Variants in TMEM272 observed in about 807,000 individuals in gnomAD.
TMEM272 encodes the protein long intergenic non-protein coding RNA 282.
TMEM272 carries 8 observed loss-of-function variants against 3.7 expected under a neutral mutation model. The observed-to-expected ratio is 2.17, with a 90% CI of 1.27 to 3.91. TMEM272 has a LOEUF of 3.91. Ranked by LOEUF, TMEM272 falls within the 30% of genes most tolerant of loss-of-function variation. The pLI is 0.00. For missense variants in TMEM272, 166 were observed against 91.5 expected, an observed-to-expected ratio of 1.81 and a Z score of -3.32; for synonymous variants, 63 against 39.8, an observed-to-expected ratio of 1.58 and a Z score of -2.20.
chr13:51,865,656 T>C, the TMEM272 span: 23 of 1,614,034 alleles, frequency 1.4e-5, no homozygotes, highest in South Asian at 1.4e-4. Flanking sequence ...GAGAGACCTT[T>C]CTGGGAAGAG....
the TMEM272 span, among the ~76,000 whole-genome samples, chr13:51,904,071 C>CA: frequency 1.4e-4 from 21 of 152,104 alleles, no homozygotes; most frequent in East Asian, 4.1e-3. Context: ...TAACACACAG[C>CA]ACCTGTGGCC....
At chr13:51,874,808 T>C in the TMEM272 span, among the ~76,000 whole-genome samples, 1 of 152,210 alleles carries the variant, frequency 6.6e-6, no homozygotes, top group Non-Finnish European at 1.5e-5. Context: ...CCAGAAGCGC[T>C]GGTTTTGCTC....
At chr13:51,858,904 G>A in the TMEM272 span, among the ~76,000 whole-genome samples, 5 of 152,212 alleles carry the variant, frequency 3.3e-5, no homozygotes, top group East Asian at 1.9e-4. Flanking sequence ...GTGGCAGGTC[G>A]GAGGTTCTCC....
the TMEM272 span, among the ~76,000 whole-genome samples, chr13:51,851,410 C>CAAG: frequency 1.9e-4 from 27 of 139,926 alleles, no homozygotes; most frequent in East Asian, 6.3e-4. Context: ...AGAAGAAGAA[C>CAAG]AAGAAGAAGA....
At chr13:51,880,452 T>C in the TMEM272 span, among the ~76,000 whole-genome samples, 3 of 150,648 alleles carry the variant, frequency 2.0e-5, no homozygotes, top group African/African-American at 4.9e-5. Flanking sequence ...AAAAACCTGA[T>C]TGGGAAAACC....
chr13:51,890,031 G>A, the TMEM272 span, among the ~76,000 whole-genome samples: 112 of 152,254 alleles, frequency 7.4e-4, no homozygotes, highest in Non-Finnish European at 1.4e-3. Context: ...TCCATGGGGC[G>A]CAGTCCAAGT....
the TMEM272 span, among the ~76,000 whole-genome samples, chr13:51,904,817 T>C: frequency 2.1e-4 from 32 of 152,224 alleles, no homozygotes; most frequent in Non-Finnish European, 4.1e-4. Flanking sequence ...CTCCAAGCAT[T>C]TCAATTAAGA....
At chr13:51,838,587 G>A (rs1016442582) in intron 1 of TMEM272, 34 bp from the exon 2 acceptor site, 2 of 702,926 alleles carry the variant, frequency 2.8e-6, no homozygotes, top group Non-Finnish European at 5.2e-6. Flanking sequence ...AGAAAGGATG[G>A]TGGAAGGATT....
At chr13:51,838,104 G>C (rs1283701978) in intron 2 of TMEM272, among the ~76,000 whole-genome samples, 1 of 152,184 alleles carries the variant, frequency 6.6e-6, no homozygotes, top group Non-Finnish European at 1.5e-5. Flanking sequence ...TAAGGAGACA[G>C]GTTGAGGTAG....
chr13:51,876,893 GA>G, the TMEM272 span, among the ~76,000 whole-genome samples: 1 of 152,168 alleles, frequency 6.6e-6, no homozygotes, highest in African/African-American at 2.4e-5. Flanking sequence ...GCAGGATGGT[GA>G]GAGGTGGATT....
the TMEM272 span, among the ~76,000 whole-genome samples, chr13:51,876,346 C>G: frequency 6.6e-6 from 1 of 152,202 alleles, no homozygotes; most frequent in Non-Finnish European, 1.5e-5. Context: ...GATCTTCAGG[C>G]AGGGAATTCA....
At chr13:51,896,067 G>C in the TMEM272 span, among the ~76,000 whole-genome samples, 1 of 152,146 alleles carries the variant, frequency 6.6e-6, no homozygotes. Flanking sequence ...GGGAGAACAA[G>C]AGTCTGCTAA....
chr13:51,896,696 C>G, the TMEM272 span, among the ~76,000 whole-genome samples: 1 of 152,190 alleles, frequency 6.6e-6, no homozygotes, highest in African/African-American at 2.4e-5. Flanking sequence ...GTCTCCAGAA[C>G]CCGGCTGAGT....
chr13:51,885,001 T>G, the TMEM272 span, among the ~76,000 whole-genome samples: 1 of 152,212 alleles, frequency 6.6e-6, no homozygotes, highest in Non-Finnish European at 1.5e-5. Context: ...GAAGATGCTT[T>G]CGGGGTCCAA....
At chr13:51,908,973 C>A in the TMEM272 span, 24 of 1,417,002 alleles carry the variant, frequency 1.7e-5, no homozygotes, top group Middle Eastern at 3.6e-4. Flanking sequence ...TCCTCCTCCC[C>A]CTGGAAGCAA....
chr13:51,910,962 G>A, the TMEM272 span, among the ~76,000 whole-genome samples: 1 of 152,212 alleles, frequency 6.6e-6, no homozygotes, highest in African/African-American at 2.4e-5. Context: ...ATGCAGTCTT[G>A]TGCATGAGCC....
At chr13:51,895,101 G>C in the TMEM272 span, among the ~76,000 whole-genome samples, 2 of 152,178 alleles carry the variant, frequency 1.3e-5, no homozygotes, top group African/African-American at 4.8e-5. Context: ...TGTATATACA[G>C]ATGAAGCTTC....
At chr13:51,879,100 C>G in the TMEM272 span, among the ~76,000 whole-genome samples, 5 of 152,142 alleles carry the variant, frequency 3.3e-5, no homozygotes, top group Non-Finnish European at 7.3e-5. Flanking sequence ...TCAATGGGAA[C>G]GTAAGCAGAA....
chr13:51,850,370 T>C, the TMEM272 span, among the ~76,000 whole-genome samples: 1 of 152,216 alleles, frequency 6.6e-6, no homozygotes, highest in East Asian at 1.9e-4. Flanking sequence ...CACTTCTTTA[T>C]TTTAATAATG....
Sources: gnomAD v4.1 joint callset for allele counts (sites outside exome capture counted in the v4.1 genomes callset) on GRCh38, gnomAD v4.1.1 for gene constraint, MANE v1.5 for transcripts, NCBI Gene and HGNC (gene_info 2026-07-23, HGNC 2026-07-21) for gene names.